The following EPS15 variants were observed in gnomAD, a reference collection of about 807,000 sequenced individuals.
The protein encoded by EPS15 is epidermal growth factor receptor pathway substrate 15.
A neutral mutation model predicts 113.8 loss-of-function variants in EPS15; 72 were observed. The ratio of observed to expected loss-of-function variants is 0.63; its 90% CI spans 0.52 to 0.77. EPS15 has a LOEUF of 0.77. Among genes scored for constraint, EPS15 ranks in the 30% least tolerant of loss-of-function variants. EPS15 has a pLI of 0.00. For synonymous variants in EPS15, 344 were observed against 363.4 expected (o/e 0.95, Z 0.61); for missense variants, 1,048 against 1,045.8 (o/e 1.00, Z -0.03).
chr1:51,507,169 T>C (rs1192250828), intron 1 of EPS15, among the ~76,000 whole-genome samples: 1 of 152,188 alleles, frequency 6.6e-6, no homozygotes, highest in Non-Finnish European at 1.5e-5. Flanking sequence ...TTCAATAATA[T>C]AATAAGTACC....
chr1:51,420,259 A>G (rs929831826), intron 13 of EPS15, among the ~76,000 whole-genome samples: 1 of 152,140 alleles, frequency 6.6e-6, no homozygotes, highest in Non-Finnish European at 1.5e-5. Flanking sequence ...AAGACACCAA[A>G]TGTTCAGGGA....
At chr1:51,364,489 C>G (rs1044203746) in intron 22 of EPS15, among the ~76,000 whole-genome samples, 1 of 149,120 alleles carries the variant, frequency 6.7e-6, no homozygotes, top group African/African-American at 2.6e-5. Flanking sequence ...ATAAGGACAA[C>G]TTGAAAGTCA....
chr1:51,481,474 G>C (rs1644019418), intron 1 of EPS15, among the ~76,000 whole-genome samples, 160 bp from the exon 2 acceptor site: 1 of 152,170 alleles, frequency 6.6e-6, no homozygotes. Flanking sequence ...GCGTGAGACA[G>C]AGAATAGATA....
At chr1:51,486,608 A>G (rs1447063460) in intron 1 of EPS15, among the ~76,000 whole-genome samples, 1 of 152,170 alleles carries the variant, frequency 6.6e-6, no homozygotes, top group Non-Finnish European at 1.5e-5. Flanking sequence ...AAAAACAGAG[A>G]TTACCTTTAA....
At chr1:51,434,891 CG>C (rs1316198157) in intron 12 of EPS15, among the ~76,000 whole-genome samples, 1 of 151,990 alleles carries the variant, frequency 6.6e-6, no homozygotes, top group East Asian at 1.9e-4. Flanking sequence ...AGGCTGGTCT[CG>C]AACTCCTGAC....
intron 19 of EPS15, among the ~76,000 whole-genome samples, chr1:51,400,465 C>T (rs757956125): frequency 6.6e-6 from 1 of 151,968 alleles, no homozygotes; most frequent in Non-Finnish European, 1.5e-5. Context: ...GAGGCTGAGG[C>T]AGGAGGACTG....
At chr1:51,402,119 G>C (rs1648619198) in intron 18 of EPS15, among the ~76,000 whole-genome samples, 1 of 148,446 alleles carries the variant, frequency 6.7e-6, no homozygotes, top group African/African-American at 2.5e-5. Context: ...CCTGGCGACA[G>C]AGCGAGACTC....
intron 1 of EPS15, among the ~76,000 whole-genome samples, chr1:51,513,953 A>G (rs7526085): frequency 0.03 from 4,570 of 152,250 alleles, 75 homozygotes; most frequent in African/African-American, 0.05. Context: ...CAAAAATGCC[A>G]TAGAGAAAAG....
At chr1:51,408,706 A>C (rs1306252066) in intron 14 of EPS15, among the ~76,000 whole-genome samples, 2 of 151,926 alleles carry the variant, frequency 1.3e-5, no homozygotes, top group African/African-American at 4.8e-5. Context: ...TTCAGACTTC[A>C]GGCTCAACTT....
At chr1:51,371,269 A>C (rs1397034503) in intron 21 of EPS15, among the ~76,000 whole-genome samples, 1 of 152,140 alleles carries the variant, frequency 6.6e-6, no homozygotes, top group Non-Finnish European at 1.5e-5. Flanking sequence ...TTAATTGAAA[A>C]AGAGCCTCAG....
At chr1:51,480,072 G>A (rs1348182585) in intron 2 of EPS15, among the ~76,000 whole-genome samples, 1 of 152,230 alleles carries the variant, frequency 6.6e-6, no homozygotes, top group East Asian at 1.9e-4. Context: ...TACAGTCTGA[G>A]ATTCTTGATA....
In EPS15 at chr1:51,463,738, G is replaced by A. The variant is rs1203173264; in HGVS notation, c.436C>T (p.Leu146=). The part of the protein sequence containing the change: ...FDSLSPVNGF[L]SGDKVKPVLL... ...ACTGGTTTCACTTTATCACCAGACA[G>A]AAATCCATTCACTGGGCTTAAACTA... The change falls in exon 7 of 25, where the codon CTG becomes TTG. Residue 146 remains leucine (L), a synonymous_variant. Coordinates refer to ENST00000371733, the MANE Select transcript of EPS15 (RefSeq NM_001981.3). 2 of 1,603,432 alleles carry A rather than the reference G, an allele frequency of 1.2e-6. No individual in the cohort carries two copies. The highest frequency in any genetic ancestry group is 2.2e-5 in the East Asian group (1 of 44,678).
intron 21 of EPS15, among the ~76,000 whole-genome samples, chr1:51,391,741 G>A (rs1647389924): frequency 6.6e-6 from 1 of 152,178 alleles, no homozygotes; most frequent in African/African-American, 2.4e-5. Context: ...AAGATTTCCT[G>A]ACAGATTAGA....
chr1:51,457,347 T>C (rs1226551474), intron 8 of EPS15, among the ~76,000 whole-genome samples: 1 of 151,550 alleles, frequency 6.6e-6, no homozygotes, highest in Non-Finnish European at 1.5e-5. Flanking sequence ...TAAATAAAAA[T>C]AATCTAAAGG....
At chr1:51,510,263 A>G (rs1397992395) in intron 1 of EPS15, among the ~76,000 whole-genome samples, 3 of 152,216 alleles carry the variant, frequency 2.0e-5, no homozygotes, top group Non-Finnish European at 2.9e-5. Flanking sequence ...GTAAGATCAC[A>G]TGAATGTTCA....
intron 12 of EPS15, 39 bp downstream of exon 12, chr1:51,440,308 T>C: frequency 1.4e-6 from 1 of 739,334 alleles, no homozygotes; most frequent in Non-Finnish European, 2.4e-6. Context: ...TGTGTGTGTG[T>C]GTGTGTATGT....
chr1:51,473,089 G>A, intron 2 of EPS15, 141 bp from the exon 3 acceptor site: 1 of 665,278 alleles, frequency 1.5e-6, no homozygotes, highest in South Asian at 1.8e-5. Flanking sequence ...ATGGGCCAAA[G>A]AATATGTGGA....
intron 12 of EPS15, among the ~76,000 whole-genome samples, chr1:51,427,743 T>G (rs1651350193): frequency 6.6e-6 from 1 of 151,862 alleles, no homozygotes; most frequent in Non-Finnish European, 1.5e-5. Context: ...AAGGAAAGAG[T>G]AAATGTCAGG....
intron 19 of EPS15, among the ~76,000 whole-genome samples, chr1:51,399,565 A>G (rs1648310085): frequency 6.6e-6 from 1 of 151,552 alleles, no homozygotes. Context: ...AAACAAACAA[A>G]AAGACAGTTT....
Sources: gnomAD v4.1 joint callset for allele counts (sites outside exome capture counted in the v4.1 genomes callset) on GRCh38, gnomAD v4.1.1 for gene constraint, MANE v1.5 for transcripts, NCBI Gene and HGNC (gene_info 2026-07-23, HGNC 2026-07-21) for gene names.